Variants in SAMD4A observed in about 807,000 individuals in gnomAD.
SAMD4A encodes the protein sterile alpha motif domain containing 4A.
Under a neutral mutation model 81.3 loss-of-function variants are expected in SAMD4A, and 33 were observed. The observed-to-expected ratio is 0.41, with a 90% CI of 0.31 to 0.54. The LOEUF (loss-of-function observed/expected upper bound fraction) is 0.54. Ranked by LOEUF, SAMD4A falls within the 20% of genes least tolerant of loss-of-function variation. SAMD4A has a pLI of 0.37. For missense variants in SAMD4A, 854 were observed against 951.1 expected, an observed-to-expected ratio of 0.90 and a Z score of 1.34; for synonymous variants, 389 against 382.1, an observed-to-expected ratio of 1.02 and a Z score of -0.21.
At chr14:54,752,501 G>C (rs149032823) in intron 6 of SAMD4A, among the ~76,000 whole-genome samples, 127 of 152,336 alleles carry the variant, frequency 8.3e-4, no homozygotes, top group Admixed American at 1.6e-3. Flanking sequence ...ACAGAGTATT[G>C]AGGGAGGTAG....
At chr14:54,639,656 G>A (rs1041391888) in intron 2 of SAMD4A, among the ~76,000 whole-genome samples, 1 of 152,124 alleles carries the variant, frequency 6.6e-6, no homozygotes, top group African/African-American at 2.4e-5. Context: ...TTCAGCCCTG[G>A]GGTTTTAAGG....
intron 2 of SAMD4A, among the ~76,000 whole-genome samples, chr14:54,620,469 C>T (rs1009039888): frequency 6.6e-6 from 1 of 152,156 alleles, no homozygotes; most frequent in Admixed American, 6.6e-5. Flanking sequence ...TGTGGCATTC[C>T]TTCCCGCTCA....
At chr14:54,668,007 C>T (rs955061286) in intron 2 of SAMD4A, among the ~76,000 whole-genome samples, 1 of 152,196 alleles carries the variant, frequency 6.6e-6, no homozygotes, top group Non-Finnish European at 1.5e-5. Context: ...CCCGGCCCTC[C>T]CGCAGGCTGC....
At chr14:54,672,232 T>TTG (rs1555341751) in intron 2 of SAMD4A, among the ~76,000 whole-genome samples, 7 of 152,014 alleles carry the variant, frequency 4.6e-5, no homozygotes, top group African/African-American at 1.5e-4. Flanking sequence ...GCTGTTTTTT[T>TTG]TGTGTTTTTT....
Position 54,567,787 on chromosome 14 carries a change from G to C in SAMD4A, c.-130G>C, listed in dbSNP as rs2140093021. The C allele has an allele frequency of 6.6e-6, 6 of 910,122 alleles. No homozygotes were observed. Among genetic ancestry groups the C allele is most frequent in the Non-Finnish European group, 9.7e-6 (6 of 620,012 alleles). The allele number at this position is 910,122 out of a possible 1,614,324, so 56.4% of individuals were successfully genotyped here. On this transcript the variant is annotated 5_prime_UTR_variant, in exon 2 of 13. Transcript: ENST00000554335. Reference sequence around the variant, plus strand: ...AGCCCAGGCAGTACCTGCAGCGTCCGGGCACCAGAGCCACCTTGGAACAGG... The same window carrying C: ...AGCCCAGGCAGTACCTGCAGCGTCCCGGCACCAGAGCCACCTTGGAACAGG...
chr14:54,769,028 C>T (rs971670949), intron 8 of SAMD4A, among the ~76,000 whole-genome samples: 3 of 152,200 alleles, frequency 2.0e-5, no homozygotes, highest in Admixed American at 6.5e-5. Flanking sequence ...ATTGACAAAA[C>T]TGCTTCGGAA....
intron 2 of SAMD4A, among the ~76,000 whole-genome samples, chr14:54,608,966 C>T (rs1278158380): frequency 6.6e-6 from 1 of 152,204 alleles, no homozygotes; most frequent in Non-Finnish European, 1.5e-5. Context: ...GCGCTTTTCA[C>T]ATGTCAGAAT....
chr14:54,776,368 C>A (rs372502281), intron 10 of SAMD4A, 46 bp from the exon 11 acceptor site: 3 of 1,563,124 alleles, frequency 1.9e-6, no homozygotes, highest in Admixed American at 2.0e-5. Flanking sequence ...GCTCTCCACC[C>A]CAGTGGGGCT....
chr14:54,724,579 C>T (rs987205302), intron 3 of SAMD4A, among the ~76,000 whole-genome samples: 1 of 152,132 alleles, frequency 6.6e-6, no homozygotes, highest in African/African-American at 2.4e-5. Context: ...GAACAGTGGG[C>T]CTCACAGGTG....
intron 2 of SAMD4A, among the ~76,000 whole-genome samples, chr14:54,577,191 C>T (rs1011858298): frequency 2.6e-5 from 4 of 152,196 alleles, no homozygotes; most frequent in African/African-American, 9.7e-5. Flanking sequence ...TCCATTATTC[C>T]CCTCTCCCTT....
At chr14:54,695,025 C>A in intron 2 of SAMD4A, 1 of 548,686 alleles carries the variant, frequency 1.8e-6, no homozygotes, top group Non-Finnish European at 2.3e-6. Context: ...ACCTGATGAC[C>A]TTCTGCTGTC....
chr14:54,620,189 A>G (rs927076487), intron 2 of SAMD4A, among the ~76,000 whole-genome samples: 2 of 152,122 alleles, frequency 1.3e-5, no homozygotes, highest in African/African-American at 2.4e-5. Context: ...GAATTTAACT[A>G]CCTTGCCCCA....
chr14:54,636,133 T>C (rs963001915), intron 2 of SAMD4A, among the ~76,000 whole-genome samples: 2 of 152,196 alleles, frequency 1.3e-5, no homozygotes, highest in African/African-American at 4.8e-5. Context: ...TGTGATTTTA[T>C]ATAGTGTGGT....
chr14:54,593,876 G>GC (rs2033845708), intron 2 of SAMD4A, among the ~76,000 whole-genome samples: 1 of 141,180 alleles, frequency 7.1e-6, no homozygotes, highest in Non-Finnish European at 1.6e-5. Flanking sequence ...TGAGCCAAGT[G>GC]GGGGAGAATC....
At chr14:54,694,586 G>T in intron 2 of SAMD4A, 1 of 982,960 alleles carries the variant, frequency 1.0e-6, no homozygotes, top group Non-Finnish European at 1.2e-6. Flanking sequence ...GGAGAAACCT[G>T]GGCTGGAAAT....
chr14:54,579,090 G>A (rs931134783), intron 2 of SAMD4A, among the ~76,000 whole-genome samples: 6 of 152,194 alleles, frequency 3.9e-5, no homozygotes, highest in Non-Finnish European at 7.3e-5. Flanking sequence ...TGGTAAGAGC[G>A]TCTATTCTTC....
intron 2 of SAMD4A, among the ~76,000 whole-genome samples, chr14:54,684,462 C>T (rs2036202823): frequency 1.3e-5 from 2 of 152,236 alleles, no homozygotes; most frequent in Non-Finnish European, 2.9e-5. Flanking sequence ...GCCCAACAGG[C>T]CTGGCTTAGG....
chr14:54,671,814 C>T (rs1334381038), intron 2 of SAMD4A, among the ~76,000 whole-genome samples: 1 of 152,136 alleles, frequency 6.6e-6, no homozygotes, highest in African/African-American at 2.4e-5. Context: ...GGGCTCAACG[C>T]ATAGGCCTGA....
intron 1 of SAMD4A, 61 bp from the exon 2 acceptor site, chr14:54,567,435 C>T (rs376425795): frequency 6.0e-5 from 9 of 149,182 alleles, no homozygotes; most frequent in Non-Finnish European, 7.5e-5. Context: ...ATGCCCTCGT[C>T]CCCCCAGGGC....
Sources: allele counts gnomAD v4.1 joint callset (sites outside exome capture counted in the v4.1 genomes callset), GRCh38; gene constraint gnomAD v4.1.1; transcripts MANE v1.5; gene names NCBI Gene and HGNC (gene_info 2026-07-23, HGNC 2026-07-21).